The following APBA1 variants were observed in gnomAD, a reference collection of about 807,000 sequenced individuals.
APBA1 encodes the protein amyloid-beta A4 precursor protein-binding family A member 1.
In APBA1, 55 loss-of-function variants were observed where a neutral mutation model predicts 86.6. That is an observed-to-expected ratio of 0.64 (90% CI 0.51 to 0.80). APBA1 has a LOEUF of 0.80. Among genes scored for constraint, APBA1 ranks in the 30% least tolerant of loss-of-function variants. APBA1 has a pLI of 0.00. For missense variants in APBA1, 1,090 were observed against 1,183.0 expected (o/e 0.92, Z 1.15); for synonymous variants, 511 against 493.9 (o/e 1.03, Z -0.46).
chr9:69,487,586 C>G (rs1290219572), intron 2 of APBA1, among the ~76,000 whole-genome samples: 2 of 152,002 alleles, frequency 1.3e-5, no homozygotes, highest in Non-Finnish European at 2.9e-5. Flanking sequence ...GCTCTACCCT[C>G]ATGAATGGAT....
chr9:69,616,646 GA>G (rs1314063976), intron 1 of APBA1, among the ~76,000 whole-genome samples: 1 of 152,094 alleles, frequency 6.6e-6, no homozygotes, highest in Non-Finnish European at 1.5e-5. Context: ...GACCTATCCT[GA>G]AAAACACTCC....
intron 10 of APBA1, among the ~76,000 whole-genome samples, chr9:69,446,278 A>G (rs564823236): frequency 4.0e-4 from 60 of 151,850 alleles, no homozygotes; most frequent in African/African-American, 1.4e-3. Context: ...TGGTCCACGG[A>G]CGGACCATCA....
Position 69,516,358 on chromosome 9 carries a change from T to C in APBA1, c.853A>G (p.Ser285Gly). 1 of 1,599,784 alleles carries C rather than the reference T, an allele frequency of 6.3e-7. No individual in the cohort carries two copies. Among genetic ancestry groups the C allele is most frequent in the East Asian group, 2.2e-5 (1 of 44,532 alleles). ...AEVKQSMSSQ[S>G]LDKAAEDMPE... is the part of the protein sequence containing the mutation. ...ATGTCCTCGGCTGCCTTGTCGAGGC[T>C]CTGCGAGCTCATGCTCTGCTTCACC... Residue 285 changes from serine (S) to glycine (G), a missense_variant, in exon 2 of 13, where the codon AGC (serine) becomes GGC (glycine). Physicochemically the swap from Ser to Gly is moderately conservative, Grantham distance 56 (BLOSUM62 0). This residue lies in a region of APBA1 where 678 missense variants were observed against 647.1 expected (regional missense o/e 1.05). Coordinates refer to ENST00000265381, the MANE Select transcript of APBA1 (RefSeq NM_001163.4). The surrounding 1 kb of genome is among the most constrained non-coding windows in gnomAD (Gnocchi z 7.3).
chr9:69,623,852 T>C (rs1039102637), intron 1 of APBA1, among the ~76,000 whole-genome samples: 6 of 152,198 alleles, frequency 3.9e-5, no homozygotes, highest in Non-Finnish European at 8.8e-5. Context: ...TTTATGACCT[T>C]GAGTAGGTCA....
At chr9:69,634,840 GA>G (rs35573516) in intron 1 of APBA1, among the ~76,000 whole-genome samples, 147,629 of 152,174 alleles carry the variant, frequency 0.97, 71,758 homozygotes, top group East Asian at 1. Flanking sequence ...AGTGCAGAAG[GA>G]AAAAAAATTA....
chr9:69,657,380 T>TTCTGTTTACTATTCAGTTC (rs2134021532), intron 1 of APBA1, among the ~76,000 whole-genome samples: 1 of 152,346 alleles, frequency 6.6e-6, no homozygotes, highest in Non-Finnish European at 1.5e-5. Context: ...TTACTTAGGT[T>TTCTGTTTACTATTCAGTTC]TCTGTTTACT....
intron 2 of APBA1, among the ~76,000 whole-genome samples, chr9:69,483,276 A>T (rs1835552451): frequency 6.6e-6 from 1 of 151,910 alleles, no homozygotes; most frequent in African/African-American, 2.4e-5. Flanking sequence ...CTAAACAGAG[A>T]TGTATTCTCT....
At chr9:69,450,373 C>A (rs1834986360) in intron 9 of APBA1, among the ~76,000 whole-genome samples, 1 of 152,190 alleles carries the variant, frequency 6.6e-6, no homozygotes, top group South Asian at 2.1e-4. Context: ...ACAGACTTTT[C>A]ACAACCTTCA....
At chr9:69,481,710 A>C (rs1483798674) in intron 2 of APBA1, among the ~76,000 whole-genome samples, 1 of 150,822 alleles carries the variant, frequency 6.6e-6, no homozygotes, top group Admixed American at 6.6e-5. Flanking sequence ...ACAATACCTG[A>C]CTTCAAACTA....
At chr9:69,481,119 G>T (rs1402911779) in intron 2 of APBA1, among the ~76,000 whole-genome samples, 1 of 150,708 alleles carries the variant, frequency 6.6e-6, no homozygotes, top group African/African-American at 2.4e-5. Context: ...GGAAGTTCTG[G>T]CCAGGGCAAT....
intron 1 of APBA1, among the ~76,000 whole-genome samples, chr9:69,569,997 G>A (rs1021803088): frequency 1.3e-5 from 2 of 152,200 alleles, no homozygotes; most frequent in African/African-American, 4.8e-5. Flanking sequence ...TGCATTCCAA[G>A]ACAGAGAATC....
intron 5 of APBA1, among the ~76,000 whole-genome samples, chr9:69,460,486 G>A (rs1835172656): frequency 6.6e-6 from 1 of 152,104 alleles, no homozygotes; most frequent in Admixed American, 6.5e-5. Context: ...GATCTTTAAT[G>A]TTTGTTTTTT....
intron 2 of APBA1, among the ~76,000 whole-genome samples, chr9:69,514,998 C>T (rs531895122): frequency 8.4e-4 from 128 of 152,324 alleles, no homozygotes; most frequent in African/African-American, 2.2e-3. Flanking sequence ...CACTACCCAT[C>T]CCAGATCTTC....
At chr9:69,463,791 C>T (rs1835231110) in intron 5 of APBA1, 1 of 152,112 alleles carries the variant, frequency 6.6e-6, no homozygotes, top group South Asian at 2.1e-4. Flanking sequence ...AGGAAACTAC[C>T]CCCACCTTTG....
chr9:69,468,022 C>G, intron 4 of APBA1, 54 bp from the exon 5 acceptor site: 1 of 1,590,858 alleles, frequency 6.3e-7, no homozygotes, highest in Non-Finnish European at 8.6e-7. Flanking sequence ...GGCCTGCCAA[C>G]CCCCTCAATG....
intron 10 of APBA1, among the ~76,000 whole-genome samples, chr9:69,448,480 T>G (rs1352157831): frequency 6.6e-6 from 1 of 152,248 alleles, no homozygotes; most frequent in Non-Finnish European, 1.5e-5. Context: ...AAGAGGACTA[T>G]TTCTTTCCAG....
chr9:69,569,120 G>T (rs530613995), intron 1 of APBA1, among the ~76,000 whole-genome samples: 1 of 152,162 alleles, frequency 6.6e-6, no homozygotes, highest in Non-Finnish European at 1.5e-5. Flanking sequence ...GTTTCCGTTT[G>T]ACCTCCTGTG....
intron 9 of APBA1, among the ~76,000 whole-genome samples, 177 bp from the exon 10 acceptor site, chr9:69,449,973 A>G (rs1834975592): frequency 6.6e-6 from 1 of 151,740 alleles, no homozygotes; most frequent in African/African-American, 2.4e-5. Context: ...TAAGAAATGA[A>G]TTCACACAGG....
chr9:69,530,955 A>C (rs1230589558), intron 1 of APBA1, among the ~76,000 whole-genome samples: 1 of 152,238 alleles, frequency 6.6e-6, no homozygotes, highest in Non-Finnish European at 1.5e-5. Flanking sequence ...AAAAAAATGT[A>C]ATGTGAGTCA....
Sources: allele counts gnomAD v4.1 joint callset (sites outside exome capture counted in the v4.1 genomes callset), GRCh38; gene constraint gnomAD v4.1.1; regional missense constraint gnomAD v4.1.1; non-coding constraint Gnocchi (gnomAD v3.1); transcripts MANE v1.5; gene names NCBI Gene and HGNC (gene_info 2026-07-23, HGNC 2026-07-21).